The following DENND2A variants were observed in gnomAD, a reference collection of about 807,000 sequenced individuals.
The protein encoded by DENND2A is DENN domain-containing protein 2A.
DENND2A carries 53 observed loss-of-function variants against 105.3 expected under a neutral mutation model. The ratio of observed to expected loss-of-function variants is 0.50; its 90% CI spans 0.40 to 0.63. DENND2A has a LOEUF of 0.63. Among genes scored for constraint, DENND2A ranks in the 30% least tolerant of loss-of-function variants. The pLI, the probability that DENND2A is intolerant of heterozygous loss-of-function variation, is 0.00. For missense variants in DENND2A, 1,138 were observed against 1,279.6 expected, an observed-to-expected ratio of 0.89 and a Z score of 1.69; for synonymous variants, 522 against 508.4, an observed-to-expected ratio of 1.03 and a Z score of -0.36.
At chr7:140,639,485 C>G (rs1021213508) in intron 1 of DENND2A, among the ~76,000 whole-genome samples, 1 of 152,182 alleles carries the variant, frequency 6.6e-6, no homozygotes, top group Admixed American at 6.5e-5. Context: ...TACTTCCTCT[C>G]GGAGTTCTGC....
intron 14 of DENND2A, among the ~76,000 whole-genome samples, chr7:140,542,653 C>T (rs1796717003): frequency 6.6e-6 from 1 of 150,870 alleles, no homozygotes; most frequent in Non-Finnish European, 1.5e-5. Context: ...TAACCTCCGC[C>T]TCCCGGGTTC....
At chr7:140,621,176 G>A (rs563791038) in intron 1 of DENND2A, among the ~76,000 whole-genome samples, 7 of 152,148 alleles carry the variant, frequency 4.6e-5, no homozygotes, top group African/African-American at 7.2e-5. Context: ...CTACACGTGT[G>A]AGCCACTAGG....
intron 1 of DENND2A, among the ~76,000 whole-genome samples, chr7:140,617,090 T>G (rs1458545368): frequency 1.3e-5 from 2 of 152,294 alleles, no homozygotes; most frequent in Non-Finnish European, 2.9e-5. Context: ...ACTCCCGACC[T>G]CAGGTGATCT....
At chr7:140,602,913 T>G (rs10273827) in intron 2 of DENND2A, among the ~76,000 whole-genome samples, 1,634 of 152,226 alleles carry the variant, frequency 0.011, 26 homozygotes, top group African/African-American at 0.037. Flanking sequence ...TGGGTTTAAA[T>G]CCTAATTCAG....
At chr7:140,591,720 T>G (rs1799036429) in intron 3 of DENND2A, among the ~76,000 whole-genome samples, 2 of 138,058 alleles carry the variant, frequency 1.4e-5, no homozygotes, top group Admixed American at 1.4e-4. Context: ...TTTCTCTCTC[T>G]TTCCTTTCCT....
At chr7:140,554,347 T>C (rs1238473589) in intron 12 of DENND2A, among the ~76,000 whole-genome samples, 1 of 151,768 alleles carries the variant, frequency 6.6e-6, no homozygotes, top group African/African-American at 2.4e-5. Flanking sequence ...TGAAAATAAA[T>C]TTATGAATTA....
intron 2 of DENND2A, among the ~76,000 whole-genome samples, chr7:140,604,295 C>T (rs908195590): frequency 7.9e-5 from 12 of 152,262 alleles, no homozygotes; most frequent in African/African-American, 4.8e-5. Flanking sequence ...ACATAAATTA[C>T]GCCACTGTTC....
intron 14 of DENND2A, among the ~76,000 whole-genome samples, chr7:140,534,963 T>C (rs543417119): frequency 3.2e-4 from 49 of 152,296 alleles, no homozygotes; most frequent in African/African-American, 1.0e-3. Flanking sequence ...TGGTGGTTCC[T>C]GAGTGTTGGA....
chr7:140,557,827 C>T (rs1443860434), intron 11 of DENND2A, among the ~76,000 whole-genome samples: 9 of 151,700 alleles, frequency 5.9e-5, no homozygotes, highest in South Asian at 2.1e-4. Flanking sequence ...CGTGAGCCAC[C>T]GCGCCCGGCC....
intron 1 of DENND2A, among the ~76,000 whole-genome samples, chr7:140,610,291 A>AAAAG (rs1491175351): frequency 9.0e-6 from 1 of 110,924 alleles, no homozygotes; most frequent in African/African-American, 5.9e-5. Context: ...AGTCTTAAGG[A>AAAAG]AAAAAAAAAA....
intron 14 of DENND2A, among the ~76,000 whole-genome samples, chr7:140,534,390 A>G (rs754870550): frequency 6.6e-5 from 10 of 152,134 alleles, no homozygotes; most frequent in Admixed American, 1.3e-4. Flanking sequence ...GCCCACATCA[A>G]TGTTCTAAAA....
At chr7:140,522,846 G>A (rs1795912228) in intron 17 of DENND2A, among the ~76,000 whole-genome samples, 1 of 151,960 alleles carries the variant, frequency 6.6e-6, no homozygotes, top group African/African-American at 2.4e-5. Context: ...GACTTCAGGT[G>A]ATCCACCTGC....
At chr7:140,551,329 A>T (rs1185263919) in intron 12 of DENND2A, among the ~76,000 whole-genome samples, 1 of 150,342 alleles carries the variant, frequency 6.7e-6, no homozygotes, top group South Asian at 2.1e-4. Context: ...AAAAGAAAGG[A>T]AAAAGGAAAA....
intron 1 of DENND2A, among the ~76,000 whole-genome samples, chr7:140,618,646 C>T (rs1000715887): frequency 2.0e-5 from 3 of 152,148 alleles, no homozygotes; most frequent in Non-Finnish European, 4.4e-5. Context: ...CTCATCATTA[C>T]GAATGTCTGT....
Position 140,545,168 on chromosome 7 carries a change from ATC to A in DENND2A, c.2179-404_2179-403del, listed in dbSNP as rs772824784. ...GTCCCTGAGAGTCCCAGTGGAGAGCATCTCTGTCTCTTGAGGAACTGTTACCT... is the reference window on the plus strand; with the variant it reads ...GTCCCTGAGAGTCCCAGTGGAGAGCATCTGTCTCTTGAGGAACTGTTACCT... On this transcript the variant is annotated intron_variant, in intron 13 of 19. Transcript: ENST00000496613. Among the ~76,000 whole-genome samples, 8 of 152,252 alleles carry A rather than the reference ATC, an allele frequency of 5.3e-5. No individual in the cohort carries two copies. In the East Asian group the frequency reaches 9.7e-4, roughly 18 times the overall value.
chr7:140,524,420 T>C (rs1020446144), intron 16 of DENND2A, among the ~76,000 whole-genome samples: 1 of 152,158 alleles, frequency 6.6e-6, no homozygotes, highest in East Asian at 1.9e-4. Flanking sequence ...ACTAAAACAA[T>C]TTAAAATCAC....
At position 140,525,806 on chromosome 7, in the gene DENND2A, C is replaced by T. The variant is rs183941457; in HGVS notation, c.2506-14G>A. On this transcript the variant is annotated splice_polypyrimidine_tract_variant and intron_variant, in intron 15 of 19. Transcript: ENST00000496613. ...AACCACAAGGACCTATGAGATGAGA[C>T]GAAAGGGACTGTTACTGTCACCAGG... 2.7e-4 allele frequency: 431 copies of T among 1,593,992 alleles called. No individual in the cohort carries two copies. The African/African-American group carries it at 4.7e-3, about 18-fold the overall frequency.
intron 1 of DENND2A, among the ~76,000 whole-genome samples, chr7:140,625,014 C>T (rs1292633172): frequency 6.6e-5 from 10 of 151,804 alleles, no homozygotes; most frequent in South Asian, 4.2e-4. Context: ...TGCACCACCA[C>T]GCCCAGCCTG....
rs180812650 is a variant in DENND2A, at chr7:140,595,171, T to C, written c.995+6232A>G. Among the ~76,000 whole-genome samples the C allele has an allele frequency of 2.0e-3, 298 of 151,840 alleles. 1 individual carries two copies. Among genetic ancestry groups the C allele is most frequent in the African/African-American group, 6.9e-3 (286 of 41,392 alleles). ...GCAGGTGTGTGCCACCATGCCTGGC[T>C]AATTTTTGTGTTTTTAGTAGAGACA... On this transcript the variant is annotated intron_variant, in intron 3 of 19. Coordinates refer to ENST00000496613, the MANE Select transcript of DENND2A (RefSeq NM_015689.5).
Sources: gnomAD v4.1 joint callset for allele counts (sites outside exome capture counted in the v4.1 genomes callset) on GRCh38, gnomAD v4.1.1 for gene constraint, MANE v1.5 for transcripts, NCBI Gene and HGNC (gene_info 2026-07-23, HGNC 2026-07-21) for gene names.